The following IL6R variants were observed in gnomAD, a reference collection of about 807,000 sequenced individuals.
IL6R encodes the protein interleukin-6 receptor subunit alpha.
IL6R carries 38 observed loss-of-function variants against 48.3 expected under a neutral mutation model. The observed-to-expected ratio is 0.79, with a 90% CI of 0.61 to 1.03. IL6R has a LOEUF of 1.03. IL6R is among the 50% of genes least tolerant of loss of function. IL6R has a pLI of 0.00. For missense variants in IL6R, 534 were observed against 618.3 expected, an observed-to-expected ratio of 0.86 and a Z score of 1.45; for synonymous variants, 264 against 256.2, an observed-to-expected ratio of 1.03 and a Z score of -0.29.
At chr1:154,416,056 C>G (rs1205808254) in intron 1 of IL6R, among the ~76,000 whole-genome samples, 1 of 152,180 alleles carries the variant, frequency 6.6e-6, no homozygotes, top group Non-Finnish European at 1.5e-5. Context: ...TCTGAACTTT[C>G]TAGTCTCTTC....
At chr1:154,428,526 A>G (rs1032645092) in intron 1 of IL6R, among the ~76,000 whole-genome samples, 1 of 152,254 alleles carries the variant, frequency 6.6e-6, no homozygotes, top group African/African-American at 2.4e-5. Flanking sequence ...AATGGCATCC[A>G]TTCGTTCACA....
At chr1:154,451,895 C>T (rs1570996502) in intron 8 of IL6R, among the ~76,000 whole-genome samples, 1 of 152,302 alleles carries the variant, frequency 6.6e-6, no homozygotes, top group South Asian at 2.1e-4. Flanking sequence ...ACCTATTCAA[C>T]CCAGATCTGT....
intron 9 of IL6R, among the ~76,000 whole-genome samples, chr1:154,457,103 A>G (rs1690927448): frequency 6.6e-6 from 1 of 152,048 alleles, no homozygotes; most frequent in Non-Finnish European, 1.5e-5. Flanking sequence ...CAGGTGGATC[A>G]CTTCATGTCA....
chr1:154,445,743 C>T (rs141274775), intron 6 of IL6R, among the ~76,000 whole-genome samples: 56 of 120,010 alleles, frequency 4.7e-4, no homozygotes, highest in Non-Finnish European at 7.3e-4. Flanking sequence ...GAGCGAGACT[C>T]GGTCTCAAAA....
intron 7 of IL6R, among the ~76,000 whole-genome samples, chr1:154,448,909 C>T (rs1344298326): frequency 8.6e-4 from 45 of 52,232 alleles, no homozygotes; most frequent in Non-Finnish European, 8.9e-4. Flanking sequence ...TTTTTTGAGA[C>T]GGAGTCTCGC....
chr1:154,405,639 G>A lies in IL6R; in HGVS notation c.10G>A (p.Val4Ile), dbSNP rs867881689. MLA[V>I]GCALLAALLA... The stretch of plus-strand genomic sequence containing the variant: ...TAGCCGAGGAGGAAGCATGCTGGCC[G>A]TCGGCTGCGCGCTGCTGGCTGCCCT... Residue 4 changes from valine (V) to isoleucine (I), a missense_variant, in exon 1 of 10, where the codon GTC becomes ATC. Coordinates refer to ENST00000368485, the MANE Select transcript of IL6R (RefSeq NM_000565.4). This position sits in a 1 kb window ranked among gnomAD's most constrained non-coding sequence, Gnocchi z 5.2. 7 of 1,532,972 alleles carry A rather than the reference G, an allele frequency of 4.6e-6. No individual in the cohort carries two copies. The highest frequency in any genetic ancestry group is 1.4e-5 in the African/African-American group (1 of 72,028). The allele number at this position is 1,532,972 out of a possible 1,614,324, so 95.0% of individuals were successfully genotyped here.
intron 7 of IL6R, among the ~76,000 whole-genome samples, chr1:154,449,049 G>A (rs1436317927): frequency 1.4e-5 from 2 of 146,874 alleles, no homozygotes; most frequent in South Asian, 2.1e-4. Context: ...GCCCGCGACC[G>A]CGCCTGGCTA....
chr1:154,420,807 A>G (rs1390656437), intron 1 of IL6R, among the ~76,000 whole-genome samples: 1 of 152,242 alleles, frequency 6.6e-6, no homozygotes, highest in African/African-American at 2.4e-5. Context: ...AAGTGCTGAG[A>G]TTACAGGCGT....
intron 1 of IL6R, among the ~76,000 whole-genome samples, chr1:154,423,508 G>A (rs1362448505): frequency 1.3e-5 from 2 of 151,836 alleles, no homozygotes; most frequent in African/African-American, 4.8e-5. Context: ...TGGGTCAGGA[G>A]GCAGAGGGCT....
chr1:154,408,923 T>G (rs1397434081), intron 1 of IL6R, among the ~76,000 whole-genome samples: 1 of 152,048 alleles, frequency 6.6e-6, no homozygotes, highest in African/African-American at 2.4e-5. Context: ...GGCAGGAGGA[T>G]CTCTTGAGCT....
intron 9 of IL6R, among the ~76,000 whole-genome samples, chr1:154,458,570 G>T (rs1419771880): frequency 6.6e-6 from 1 of 152,076 alleles, no homozygotes; most frequent in Non-Finnish European, 1.5e-5. Context: ...CATTTGACGG[G>T]AGGAAACTGA....
chr1:154,418,304 C>G, intron 1 of IL6R: 2 of 407,918 alleles, frequency 4.9e-6, no homozygotes, highest in South Asian at 2.0e-4. Context: ...GAGTTGGTCA[C>G]ACGCGCACGT....
chr1:154,406,378 C>A (rs898225554), intron 1 of IL6R: 2 of 152,282 alleles, frequency 1.3e-5, no homozygotes, highest in African/African-American at 2.4e-5. Flanking sequence ...GGGGCTGGCA[C>A]GTGCTGGACT....
chr1:154,460,824 C>A lies in IL6R; in HGVS notation c.1161-4310C>A, dbSNP rs547454058. Among the ~76,000 whole-genome samples the A allele has an allele frequency of 7.2e-5, 11 of 152,210 alleles. 1 individual carries two copies. In the South Asian group the frequency reaches 2.3e-3, roughly 32 times the overall value. ...TAGGGTCCAGCCGTACGGAGCTTAG[C>A]GGGTGTTCTCCCCGTGTGTGGAGAC... is the stretch of plus-strand genomic sequence containing the variant. On this transcript the variant is annotated intron_variant, in intron 9 of 9. Coordinates refer to ENST00000368485, the MANE Select transcript of IL6R (RefSeq NM_000565.4).
intron 2 of IL6R, 75 bp from the exon 3 acceptor site, chr1:154,430,408 G>C: frequency 6.4e-7 from 1 of 1,574,448 alleles, no homozygotes; most frequent in Non-Finnish European, 8.6e-7. Flanking sequence ...CTCAAGGGAG[G>C]CTGCCCTGTC....
intron 1 of IL6R, among the ~76,000 whole-genome samples, chr1:154,418,912 C>G (rs1018455858): frequency 6.6e-6 from 1 of 152,116 alleles, no homozygotes; most frequent in Admixed American, 6.5e-5. Context: ...CCTCAAGCCT[C>G]AGCATTCCCT....
Position 154,412,104 on chromosome 1 carries a change from C to T in IL6R, c.85+6390C>T, listed in dbSNP as rs977551190. 1.1e-4 allele frequency among the ~76,000 whole-genome samples: 16 copies of T among 151,428 alleles called. No homozygotes were observed. The East Asian group carries it at 1.4e-3, about 13-fold the overall frequency. On this transcript the variant is annotated intron_variant, in intron 1 of 9. Transcript: ENST00000368485. ...CTGGGACTACAGGCATCCGCCACGA[C>T]GCCTGGCTAATTTTTTGTATTTTTA...
chr1:154,411,685 G>A (rs570025346), intron 1 of IL6R, among the ~76,000 whole-genome samples: 7 of 152,282 alleles, frequency 4.6e-5, no homozygotes, highest in African/African-American at 1.7e-4. Flanking sequence ...CTTTGGGCAA[G>A]TCACTACAAG....
intron 1 of IL6R, among the ~76,000 whole-genome samples, chr1:154,425,885 G>A (rs1284118764): frequency 6.6e-6 from 1 of 151,804 alleles, no homozygotes; most frequent in Non-Finnish European, 1.5e-5. Context: ...TTGAAGACCA[G>A]CCTGGGCAAT....
Sources: gnomAD v4.1 joint callset for allele counts (sites outside exome capture counted in the v4.1 genomes callset) on GRCh38, gnomAD v4.1.1 for gene constraint, Gnocchi (gnomAD v3.1) non-coding constraint, MANE v1.5 for transcripts, NCBI Gene and HGNC (gene_info 2026-07-23, HGNC 2026-07-21) for gene names.